Variants in ENTPD5 observed in about 807,000 individuals in gnomAD.
ENTPD5 encodes nucleoside diphosphate phosphatase ENTPD5.
Under a neutral mutation model 60.2 loss-of-function variants are expected in ENTPD5, and 49 were observed. That is an observed-to-expected ratio of 0.81 (90% CI 0.65 to 1.03). ENTPD5 has a LOEUF of 1.03. Ranked by LOEUF, ENTPD5 falls within the 50% of genes least tolerant of loss-of-function variation. The pLI, the probability that ENTPD5 is intolerant of heterozygous loss-of-function variation, is 0.00. For synonymous variants in ENTPD5, 187 were observed against 185.4 expected, an observed-to-expected ratio of 1.01 and a Z score of -0.07; for missense variants, 480 against 507.6, an observed-to-expected ratio of 0.95 and a Z score of 0.52.
At chr14:73,987,778 G>C in intron 4 of ENTPD5, 108 bp downstream of exon 4, 2 of 925,968 alleles carry the variant, frequency 2.2e-6, no homozygotes, top group Non-Finnish European at 3.3e-6. Context: ...CATCCACTAG[G>C]TGTGAGATTC....
downstream of ENTPD5, chr14:73,961,967 A>G: frequency 6.3e-7 from 1 of 1,582,562 alleles, no homozygotes; most frequent in Non-Finnish European, 8.7e-7. Flanking sequence ...TTTTTTTTGA[A>G]ACAGAGTCTT....
At chr14:73,975,790 G>C in intron 10 of ENTPD5, 146 bp downstream of exon 10, 1 of 595,474 alleles carries the variant, frequency 1.7e-6, no homozygotes, top group Non-Finnish European at 2.9e-6. Flanking sequence ...CTTTGTAAGT[G>C]GACCGGGTTT....
downstream of ENTPD5, chr14:73,955,367 C>A: frequency 1.0e-6 from 1 of 982,718 alleles, no homozygotes; most frequent in Non-Finnish European, 1.7e-6. Context: ...CTGAAAACAA[C>A]CTCTTACGTA....
intron 2 of ENTPD5, among the ~76,000 whole-genome samples, 191 bp downstream of exon 2, chr14:74,015,633 A>T (rs1033809180): frequency 6.6e-6 from 1 of 152,112 alleles, no homozygotes; most frequent in Non-Finnish European, 1.5e-5. Flanking sequence ...GATTACAGGC[A>T]TGAACCACCA....
At chr14:73,977,525 A>T (rs983871775) in intron 6 of ENTPD5, 151 bp from the exon 7 acceptor site, 1 of 578,992 alleles carries the variant, frequency 1.7e-6, no homozygotes, top group African/African-American at 1.9e-5. Flanking sequence ...CTAAGAAACT[A>T]GAGAAGAAAC....
intron 12 of ENTPD5, among the ~76,000 whole-genome samples, chr14:73,973,571 C>G (rs2057319475): frequency 6.6e-6 from 1 of 152,158 alleles, no homozygotes; most frequent in Non-Finnish European, 1.5e-5. Context: ...GCACTATAGC[C>G]TTGAACTCAT....
At chr14:73,980,661 G>A (rs1001175346) in intron 6 of ENTPD5, among the ~76,000 whole-genome samples, 5 of 152,122 alleles carry the variant, frequency 3.3e-5, no homozygotes, top group Admixed American at 3.3e-4. Context: ...CTCCCAAAAT[G>A]TTGAGATTAC....
At position 73,993,883 on chromosome 14, in the gene ENTPD5, G is replaced by GA. The variant is rs200362549; in HGVS notation, c.-70-5712dup. Among the ~76,000 whole-genome samples, 96 of 138,730 alleles carry GA rather than the reference G, an allele frequency of 6.9e-4. No individual in the cohort carries two copies. The East Asian group carries it at 0.011, about 15-fold the overall frequency. 91.0% of individuals were successfully genotyped at this position (138,730 alleles called of 152,430 possible). A position where few individuals can be genotyped will look rare whatever the true frequency, so the allele number is the denominator to read the frequency against. ...TTTTTCTTCCAGAGATTTCAAAGGTGAAAAAAAACATCCTAGGTATCTGTT... is the reference window on the plus strand; with the variant it reads ...TTTTTCTTCCAGAGATTTCAAAGGTGAAAAAAAAACATCCTAGGTATCTGTT... On this transcript the variant is annotated intron_variant, in intron 3 of 15. Transcript: ENST00000334696.
Position 73,966,670 on chromosome 14 carries a change from C to T in ENTPD5, c.*258G>A, listed in dbSNP as rs757544628. The T allele has an allele frequency of 2.7e-6, 1 of 369,436 alleles. No homozygotes were observed. Among genetic ancestry groups the T allele is most frequent in the Non-Finnish European group, 4.9e-6 (1 of 206,042 alleles). The allele number at this position is 369,436 out of a possible 1,614,324, so 22.9% of individuals were successfully genotyped here. ...GCGATTTTTCTTTGGTTTCCAGGGA[C>T]CTGTCCCTGGGCTCTCACTCCAAGG... On this transcript the variant is annotated 3_prime_UTR_variant, in exon 16 of 16. Transcript: ENST00000334696.
chr14:73,956,327 CA>C (rs34194477), downstream of ENTPD5: 23,840 of 146,234 alleles, frequency 0.16, 1,532 homozygotes, highest in Admixed American at 0.22. Context: ...GACTCCGTCT[CA>C]AAAAAAAAAA....
intron 6 of ENTPD5, among the ~76,000 whole-genome samples, chr14:73,978,147 A>G (rs2057522291): frequency 6.6e-6 from 1 of 152,226 alleles, no homozygotes; most frequent in African/African-American, 2.4e-5. Flanking sequence ...ATATATAAAC[A>G]AACTTTTAAA....
chr14:73,979,867 T>C (rs1347317647), intron 6 of ENTPD5, among the ~76,000 whole-genome samples: 1 of 151,954 alleles, frequency 6.6e-6, no homozygotes, highest in Non-Finnish European at 1.5e-5. Context: ...CTTGGATAAG[T>C]GACTTAAGTC....
chr14:73,984,750 AT>A (rs943410678), intron 5 of ENTPD5, among the ~76,000 whole-genome samples: 7 of 150,820 alleles, frequency 4.6e-5, no homozygotes, highest in South Asian at 2.1e-4. Flanking sequence ...TGACCCTGGT[AT>A]TTTTTTTTAA....
In ENTPD5 at chr14:73,967,011, T is replaced by C; in HGVS notation, c.1204A>G (p.Thr402Ala). 3 of 1,614,030 alleles carry C rather than the reference T, an allele frequency of 1.9e-6. No individual in the cohort carries two copies. In the African/African-American group the frequency reaches 4.0e-5, roughly 22 times the overall value. Residue 402 changes from threonine to alanine, a missense_variant, in exon 16 of 16, where the codon ACA becomes GCA. Physicochemically the swap from Thr to Ala is moderately conservative, Grantham distance 58. Transcript: ENST00000334696. ...GFADSTVLQL[T>A]KKVNNIETGW... is the part of the protein sequence containing the mutation. ...GTCTCTATGTTGTTCACTTTCTTTG[T>C]GAGCTGTTGAGAAGAAAAAAAGTCT...
downstream of ENTPD5, chr14:73,961,266 C>T (rs1367485991): frequency 9.3e-6 from 15 of 1,614,146 alleles, no homozygotes; most frequent in Admixed American, 1.7e-4. Context: ...GGTCTCGGCT[C>T]GCCAGCTGCC....
chr14:73,971,788 T>A, intron 14 of ENTPD5, 64 bp downstream of exon 14: 1 of 1,110,762 alleles, frequency 9.0e-7, no homozygotes, highest in Non-Finnish European at 1.4e-6. Flanking sequence ...TAGGTCACTT[T>A]AGGTCACTAG....
intron 3 of ENTPD5, among the ~76,000 whole-genome samples, chr14:73,994,425 C>T (rs1352417670): frequency 4.0e-5 from 6 of 151,814 alleles, no homozygotes; most frequent in Admixed American, 3.3e-4. Context: ...CCGCACCGAG[C>T]AATGTAAGCC....
rs150844432 is a variant in ENTPD5 at position 73,998,908 on chromosome 14, G to C, written c.-70-10736C>G. Reference sequence around the variant, plus strand: ...CATAGTAGAGGACACCAAATACTCAGCTAAGGAGTTTGGACTTTACTCTGC... The same window carrying C: ...CATAGTAGAGGACACCAAATACTCACCTAAGGAGTTTGGACTTTACTCTGC... On this transcript the variant is annotated intron_variant, in intron 3 of 15. Coordinates refer to ENST00000334696, the MANE Select transcript of ENTPD5 (RefSeq NM_001249.5). Among the ~76,000 whole-genome samples, 585 of 152,248 alleles carry C rather than the reference G, an allele frequency of 3.8e-3. 10 individuals carry two copies. Among genetic ancestry groups the C allele is most frequent in the Middle Eastern group, 0.014 (4 of 294 alleles).
chr14:73,989,832 C>CA (rs57558687), intron 3 of ENTPD5, among the ~76,000 whole-genome samples: 1,004 of 52,020 alleles, frequency 0.019, 57 homozygotes, highest in African/African-American at 0.057. Flanking sequence ...GACTCAGTCT[C>CA]AAAAAAAAAA....
Sources: gnomAD v4.1 joint callset for allele counts (sites outside exome capture counted in the v4.1 genomes callset) on GRCh38, gnomAD v4.1.1 for gene constraint, MANE v1.5 for transcripts, NCBI Gene and HGNC (gene_info 2026-07-23, HGNC 2026-07-21) for gene names.